Variants in DAB1 observed in about 807,000 individuals in gnomAD.
DAB1 encodes the protein DAB adaptor protein 1.
DAB1 carries 15 observed loss-of-function variants against 64.6 expected under a neutral mutation model. The observed-to-expected ratio is 0.23, with a 90% CI of 0.16 to 0.36. DAB1 has a LOEUF of 0.36. Ranked by LOEUF, DAB1 falls within the 10% of genes least tolerant of loss-of-function variation. The pLI is 1.00. For missense variants in DAB1, 596 were observed against 706.7 expected (o/e 0.84, Z 1.78); for synonymous variants, 235 against 251.9 (o/e 0.93, Z 0.64).
chr1:57,914,262 C>T (rs1205304815), intron 5 of DAB1, among the ~76,000 whole-genome samples: 1 of 152,000 alleles, frequency 6.6e-6, no homozygotes, highest in African/African-American at 2.4e-5. Context: ...TACTATGCAG[C>T]CATAAAAAAT....
At chr1:58,058,161 T>G (rs145470700) in intron 5 of DAB1, among the ~76,000 whole-genome samples, 1,798 of 152,240 alleles carry the variant, frequency 0.012, 21 homozygotes, top group Admixed American at 0.027. Flanking sequence ...GTGCCTAGTA[T>G]GTGTTAATGC....
chr1:57,170,229 C>G (rs979269894), intron 2 of DAB1, among the ~76,000 whole-genome samples: 2 of 152,082 alleles, frequency 1.3e-5, no homozygotes, highest in Admixed American at 6.6e-5. Flanking sequence ...GAACTCTTGA[C>G]CCCAAGTGAT....
At chr1:58,402,420 C>A (rs1056797637) in intron 3 of DAB1, among the ~76,000 whole-genome samples, 1 of 152,134 alleles carries the variant, frequency 6.6e-6, no homozygotes, top group African/African-American at 2.4e-5. Context: ...TTAGTGACCA[C>A]AAATAGGCAT....
intron 5 of DAB1, among the ~76,000 whole-genome samples, chr1:57,933,706 T>C (rs1465321205): frequency 6.6e-6 from 1 of 152,164 alleles, no homozygotes; most frequent in Non-Finnish European, 1.5e-5. Context: ...AAAAATCTTT[T>C]ACAGGTATGT....
chr1:57,095,974 GAAT>G (rs1654124999), intron 4 of DAB1, among the ~76,000 whole-genome samples: 1 of 152,174 alleles, frequency 6.6e-6, no homozygotes, highest in Non-Finnish European at 1.5e-5. Context: ...ATAAAGATGA[GAAT>G]AATAGTAATC....
At chr1:57,878,560 C>T (rs1644090975) in intron 1 of DAB1, 2 of 152,030 alleles carry the variant, frequency 1.3e-5, no homozygotes, top group Admixed American at 6.6e-5. Flanking sequence ...TTTGGATGGA[C>T]ACAATAATTA....
rs6680241 is a variant in DAB1 at position 57,259,733 on chromosome 1, A to T, written c.67+31231T>A. 2.8e-3 allele frequency among the ~76,000 whole-genome samples: 433 copies of T among 152,342 alleles called. 2 individuals are homozygous for T. Among genetic ancestry groups the T allele is most frequent in the African/African-American group, 0.01 (421 of 41,574 alleles). ...ATAAAGAGGTTATTCATCAGTTTTA[A>T]GAGGAACTCTTCCCTCTGCCAATTG... On this transcript the variant is annotated intron_variant, in intron 2 of 14. Transcript: ENST00000371236.
At chr1:57,874,187 G>T (rs1278802717) in intron 1 of DAB1, 1 of 152,170 alleles carries the variant, frequency 6.6e-6, no homozygotes, top group African/African-American at 2.4e-5. Context: ...AACAGTACCT[G>T]GGGAACACCA....
chr1:57,390,456 C>T (rs1682255513), intron 1 of DAB1, among the ~76,000 whole-genome samples: 1 of 152,200 alleles, frequency 6.6e-6, no homozygotes, highest in Admixed American at 6.5e-5. Flanking sequence ...CCAAAATAAT[C>T]ACGATTGTAC....
rs201944043 is a variant in DAB1, at chr1:58,119,229, T to C, written n.387+31282A>G. On this transcript the variant is annotated intron_variant and non_coding_transcript_variant, in intron 5 of 20. Coordinates refer to the DAB1 transcript ENST00000485760. ...ATCAAATATTGTGTGTGTGTGCGTGTGTGTGTGTGTGTGTGTGTGTGTGTG... is the reference window on the plus strand; with the variant it reads ...ATCAAATATTGTGTGTGTGTGCGTGCGTGTGTGTGTGTGTGTGTGTGTGTG... Among the ~76,000 whole-genome samples, 958 of 127,854 alleles carry C rather than the reference T, an allele frequency of 7.5e-3. 18 individuals are homozygous for C. In the East Asian group the frequency reaches 0.078, roughly 10 times the overall value. 83.9% of individuals were successfully genotyped at this position (127,854 alleles called of 152,430 possible).
intron 3 of DAB1, among the ~76,000 whole-genome samples, chr1:58,351,700 T>C (rs4322253): frequency 0.5 from 75,769 of 150,486 alleles, 19,063 homozygotes; most frequent in East Asian, 0.59. Context: ...AGATTATCCC[T>C]TGGGGCAGTA....
At chr1:58,037,222 C>T (rs1431445417) in intron 5 of DAB1, among the ~76,000 whole-genome samples, 1 of 152,152 alleles carries the variant, frequency 6.6e-6, no homozygotes, top group Non-Finnish European at 1.5e-5. Context: ...TCTAGAGGCA[C>T]CTGGGAGGGT....
At chr1:57,550,321 T>C (rs1441298486) in intron 7 of DAB1, among the ~76,000 whole-genome samples, 1 of 152,158 alleles carries the variant, frequency 6.6e-6, no homozygotes, top group African/African-American at 2.4e-5. Context: ...GGCTAGACCA[T>C]GATCACTGGA....
At chr1:57,749,193 A>T (rs1311913883) in intron 6 of DAB1, among the ~76,000 whole-genome samples, 4 of 152,226 alleles carry the variant, frequency 2.6e-5, no homozygotes, top group Non-Finnish European at 1.5e-5. Flanking sequence ...TCTATTCTGC[A>T]TAAGGCAGTT....
At chr1:57,187,525 T>TA (rs1663688955) in intron 2 of DAB1, among the ~76,000 whole-genome samples, 3 of 152,194 alleles carry the variant, frequency 2.0e-5, no homozygotes, top group Admixed American at 2.0e-4. Context: ...CAGAACTGCC[T>TA]AAAAATCTGG....
At chr1:58,070,340 A>G (rs1421346744) in intron 5 of DAB1, among the ~76,000 whole-genome samples, 2 of 152,238 alleles carry the variant, frequency 1.3e-5, no homozygotes, top group Non-Finnish European at 2.9e-5. Flanking sequence ...GCCAGACATC[A>G]TGCTGGCAAA....
intron 9 of DAB1, among the ~76,000 whole-genome samples, chr1:57,050,330 T>C (rs1351450714): frequency 6.6e-6 from 1 of 152,200 alleles, no homozygotes; most frequent in African/African-American, 2.4e-5. Flanking sequence ...AAAACTGATG[T>C]TGTCATTCTA....
At chr1:57,089,184 A>C (rs982133958) in intron 4 of DAB1, among the ~76,000 whole-genome samples, 1 of 152,220 alleles carries the variant, frequency 6.6e-6, no homozygotes, top group African/African-American at 2.4e-5. Context: ...GTGCTTAATA[A>C]ATGTTATATT....
At chr1:57,168,736 T>C (rs1418202256) in intron 2 of DAB1, among the ~76,000 whole-genome samples, 1 of 152,102 alleles carries the variant, frequency 6.6e-6, no homozygotes, top group Non-Finnish European at 1.5e-5. Flanking sequence ...TTCTCTTTAG[T>C]TCATATTGAA....
Sources: gnomAD v4.1 joint callset for allele counts (sites outside exome capture counted in the v4.1 genomes callset) on GRCh38, gnomAD v4.1.1 for gene constraint, MANE v1.5 for transcripts, NCBI Gene and HGNC (gene_info 2026-07-23, HGNC 2026-07-21) for gene names.